Variants in KIRREL3 observed in about 807,000 individuals in gnomAD.
KIRREL3 encodes kirre like nephrin family adhesion molecule 3.
In KIRREL3, 36 loss-of-function variants were observed where a neutral mutation model predicts 89.7. The ratio of observed to expected loss-of-function variants is 0.40; its 90% CI spans 0.31 to 0.53. KIRREL3 has a LOEUF of 0.53. Ranked by LOEUF, KIRREL3 falls within the 20% of genes least tolerant of loss-of-function variation. The pLI is 0.49. For synonymous variants in KIRREL3, 445 were observed against 441.4 expected (o/e 1.01, Z -0.10); for missense variants, 864 against 1,056.6 (o/e 0.82, Z 2.53).
intron 1 of KIRREL3, among the ~76,000 whole-genome samples, chr11:126,603,299 A>G (rs1942742934): frequency 6.6e-6 from 1 of 152,196 alleles, no homozygotes; most frequent in African/African-American, 2.4e-5. Flanking sequence ...CCCTCCTGGC[A>G]TCATCTCACA....
chr11:126,702,010 A>T (rs946859121), intron 1 of KIRREL3, among the ~76,000 whole-genome samples: 1 of 152,104 alleles, frequency 6.6e-6, no homozygotes, highest in South Asian at 2.1e-4. Flanking sequence ...CAGGGTAATA[A>T]CCTACCTCCC....
Position 126,999,338 on chromosome 11 carries a change from G to A in KIRREL3, c.55+1117C>T, listed in dbSNP as rs1027249263. On this transcript the variant is annotated intron_variant, in intron 1 of 16. Transcript: ENST00000525144. This position sits in a 1 kb window ranked among gnomAD's most constrained non-coding sequence, Gnocchi z 5.7. Reference sequence around the variant, plus strand: ...TGGAAGAGCAGAAGAAGGAAGCCAGGTTTTTGCTTATATTTGGCTTCTCCC... The same window carrying A: ...TGGAAGAGCAGAAGAAGGAAGCCAGATTTTTGCTTATATTTGGCTTCTCCC... Among the ~76,000 whole-genome samples, 2 of 152,202 alleles carry A rather than the reference G, an allele frequency of 1.3e-5. No individual in the cohort carries two copies. Among genetic ancestry groups the A allele is most frequent in the Non-Finnish European group, 2.9e-5 (2 of 68,042 alleles).
rs1451392789 is a variant in KIRREL3, at chr11:126,687,638, TA to T, written c.56-124727del. ...ATTGATTGATAGAGTAAATCATTGA[TA>T]TTTTTCCCCATTGCTTCATTCAACA... On this transcript the variant is annotated intron_variant, in intron 1 of 16. Coordinates refer to ENST00000525144, the MANE Select transcript of KIRREL3 (RefSeq NM_032531.4). The surrounding 1 kb of genome is among the most constrained non-coding windows in gnomAD (Gnocchi z 4.6). Among the ~76,000 whole-genome samples the T allele has an allele frequency of 1.3e-5, 2 of 152,242 alleles. No homozygotes were observed. Among genetic ancestry groups the T allele is most frequent in the Non-Finnish European group, 2.9e-5 (2 of 68,042 alleles).
chr11:126,881,601 G>A (rs1945500215), intron 1 of KIRREL3, among the ~76,000 whole-genome samples: 3 of 152,176 alleles, frequency 2.0e-5, no homozygotes, highest in African/African-American at 7.2e-5. Flanking sequence ...AAGCTGGAGT[G>A]CAGTGGTGCA....
intron 1 of KIRREL3, among the ~76,000 whole-genome samples, chr11:126,618,684 C>G (rs1943456260): frequency 6.6e-6 from 1 of 152,248 alleles, no homozygotes; most frequent in African/African-American, 2.4e-5. Context: ...ATCCACCTGC[C>G]TTGGCCTCCC....
intron 1 of KIRREL3, among the ~76,000 whole-genome samples, chr11:126,730,974 C>T (rs1462506056): frequency 5.3e-5 from 8 of 152,086 alleles, no homozygotes; most frequent in Non-Finnish European, 1.0e-4. Context: ...CTCCTGACCT[C>T]GTGATCCACC....
chr11:126,465,433 G>A (rs1956690624), intron 5 of KIRREL3, among the ~76,000 whole-genome samples: 1 of 152,136 alleles, frequency 6.6e-6, no homozygotes. Flanking sequence ...GCTGGACGGT[G>A]GGTACCGTGC....
At chr11:126,450,176 C>A (rs1955977647) in intron 7 of KIRREL3, among the ~76,000 whole-genome samples, 1 of 152,190 alleles carries the variant, frequency 6.6e-6, no homozygotes, top group African/African-American at 2.4e-5. Context: ...TGTGTATACA[C>A]ATGTATGTGT....
At chr11:126,646,808 C>G (rs1944707963) in intron 1 of KIRREL3, among the ~76,000 whole-genome samples, 1 of 152,126 alleles carries the variant, frequency 6.6e-6, no homozygotes, top group Non-Finnish European at 1.5e-5. Context: ...TCTATGCTGT[C>G]AATTGTAATT....
In KIRREL3 at chr11:126,990,679, T is replaced by G. The variant is rs1233357274; in HGVS notation, c.55+9776A>C. On this transcript the variant is annotated intron_variant, in intron 1 of 16. Coordinates refer to ENST00000525144, the MANE Select transcript of KIRREL3 (RefSeq NM_032531.4). This position sits in a 1 kb window ranked among gnomAD's most constrained non-coding sequence, Gnocchi z 6.3. ...CCTCCGCAGTTGCCCCTCACTCAGG[T>G]GCAGCTTCCTATGTAAGAAAAAGGC... 6.6e-6 allele frequency among the ~76,000 whole-genome samples: 1 copy of G among 152,198 alleles called. No homozygotes were observed. Among genetic ancestry groups the G allele is most frequent in the Non-Finnish European group, 1.5e-5 (1 of 68,040 alleles).
intron 1 of KIRREL3, among the ~76,000 whole-genome samples, chr11:126,882,595 C>T (rs552303014): frequency 6.6e-5 from 10 of 152,340 alleles, no homozygotes; most frequent in Non-Finnish European, 1.3e-4. Context: ...TCCCTCAATC[C>T]TCTGGTCTGC....
At chr11:126,716,609 T>G (rs530102547) in intron 1 of KIRREL3, among the ~76,000 whole-genome samples, 2 of 152,262 alleles carry the variant, frequency 1.3e-5, no homozygotes, top group African/African-American at 4.8e-5. Context: ...ACACTCACTG[T>G]GGCCTGTGAA....
intron 2 of KIRREL3, among the ~76,000 whole-genome samples, chr11:126,534,842 C>T (rs756440274): frequency 6.6e-6 from 1 of 152,168 alleles, no homozygotes; most frequent in Non-Finnish European, 1.5e-5. Context: ...CCTTTTGCAG[C>T]CTTGTCTCCA....
chr11:126,781,140 A>G (rs553868620), intron 1 of KIRREL3, among the ~76,000 whole-genome samples: 1 of 152,266 alleles, frequency 6.6e-6, no homozygotes, highest in South Asian at 2.1e-4. Context: ...CTGGGTTCTT[A>G]GTCTATGTCT....
In KIRREL3 at chr11:126,817,229, T is replaced by G. The variant is rs1565322788; in HGVS notation, c.55+183226A>C. Among the ~76,000 whole-genome samples, 1 of 152,180 alleles carries G rather than the reference T, an allele frequency of 6.6e-6. No individual in the cohort carries two copies. On this transcript the variant is annotated intron_variant, in intron 1 of 16. Coordinates refer to ENST00000525144, the MANE Select transcript of KIRREL3 (RefSeq NM_032531.4). The surrounding 1 kb of genome is among the most constrained non-coding windows in gnomAD (Gnocchi z 5.7). ...GGCAGAGGGGATAAACAGCTCACCC[T>G]GTTGAGGATGTTTACTTTTGCATCT...
chr11:126,744,219 T>C lies in KIRREL3; in HGVS notation c.56-181307A>G, dbSNP rs138049230. Among the ~76,000 whole-genome samples the C allele has an allele frequency of 5.7e-4, 85 of 150,190 alleles. No individual in the cohort carries two copies. Among genetic ancestry groups the C allele is most frequent in the African/African-American group, 2.0e-3 (82 of 40,992 alleles). On this transcript the variant is annotated intron_variant, in intron 1 of 16. Transcript: ENST00000525144. The surrounding 1 kb of genome is among the most constrained non-coding windows in gnomAD (Gnocchi z 4.7). ...GTCAAGGGACAAAATGGACATTGGT[T>C]TGTCTTCTGAAACACACAACTTTTT...
intron 2 of KIRREL3, among the ~76,000 whole-genome samples, chr11:126,560,235 T>C (rs1315668689): frequency 6.6e-6 from 1 of 151,712 alleles, no homozygotes; most frequent in East Asian, 1.9e-4. Context: ...TGTATCTCCT[T>C]TTGATGGCTC....
At chr11:126,440,847 T>C in intron 10 of KIRREL3, 1 of 472,292 alleles carries the variant, frequency 2.1e-6, no homozygotes, top group Non-Finnish European at 3.8e-6. Flanking sequence ...GATAAAGTGC[T>C]AACCGACTTC....
chr11:126,445,965 A>G (rs572334211), intron 9 of KIRREL3, among the ~76,000 whole-genome samples: 1 of 152,318 alleles, frequency 6.6e-6, no homozygotes, highest in East Asian at 1.9e-4. Context: ...TGTGACCAAC[A>G]TGGAGAAACC....
Sources: allele counts gnomAD v4.1 joint callset (sites outside exome capture counted in the v4.1 genomes callset), GRCh38; gene constraint gnomAD v4.1.1; non-coding constraint Gnocchi (gnomAD v3.1); transcripts MANE v1.5; gene names NCBI Gene and HGNC (gene_info 2026-07-23, HGNC 2026-07-21).